Variants in ZNF208 observed in about 807,000 individuals in gnomAD.
ZNF208 encodes the protein zinc finger protein 208, also known as zinc finger protein 95.
A neutral mutation model predicts 12.1 loss-of-function variants in ZNF208; 10 were observed. The observed-to-expected ratio is 0.83, with a 90% CI of 0.51 to 1.40. ZNF208 has a LOEUF of 1.40. Ranked by LOEUF, ZNF208 falls within the 40% of genes most tolerant of loss-of-function variation. ZNF208 has a pLI of 0.00. For missense variants in ZNF208, 1,652 were observed against 1,485.0 expected (o/e 1.11, Z -1.85); for synonymous variants, 497 against 488.4 (o/e 1.02, Z -0.23).
rs186085304 is a variant in ZNF208 at position 21,972,112 on chromosome 19, T to C, written c.2922A>G (p.Lys974=). 3.7e-3 allele frequency: 5,972 copies of C among 1,613,330 alleles called. 15 individuals carry two copies. Among genetic ancestry groups the C allele is most frequent in the Non-Finnish European group, 4.5e-3 (5,319 of 1,179,760 alleles). ...KKIHTEEKPY[K]YEECGKGFST... ...TAAAGCCTTTGCCACATTCTTCATA[T>C]TTGTAAGGTTTCTCTTCAGTATGAA... The change falls in exon 4 of 4, where the codon AAA becomes AAG. Residue 974 remains lysine, a synonymous_variant. Transcript: ENST00000397126.
In ZNF208 at chr19:21,969,047, G is replaced by A. The variant is rs1393535026; in HGVS notation, c.*2144C>T. On this transcript the variant is annotated 3_prime_UTR_variant, in exon 4 of 4. Transcript: ENST00000397126. ...AAAATACAAAAAATTAGCTGGGAGT[G>A]GCGGCGGGCGCCTGTAGTCCCAGCT... is the stretch of plus-strand genomic sequence containing the variant. 6.6e-6 allele frequency among the ~76,000 whole-genome samples: 1 copy of A among 152,136 alleles called. No individual in the cohort carries two copies. Among genetic ancestry groups the A allele is most frequent in the Non-Finnish European group, 1.5e-5 (1 of 68,032 alleles).
At position 21,974,635 on chromosome 19, in the gene ZNF208, A is replaced by C; in HGVS notation, c.399T>G (p.Leu133=). 2 of 1,613,706 alleles carry C rather than the reference A, an allele frequency of 1.2e-6. No individual in the cohort carries two copies. Among genetic ancestry groups the C allele is most frequent in the South Asian group, 2.2e-5 (2 of 91,060 alleles). The change falls in exon 4 of 4, where the codon CTT becomes CTG. Residue 133 remains leucine, a synonymous_variant. Transcript: ENST00000397126. ...CKVHKEGYNK[L]NQSLTTTQSK... ...TCTGTGTAGTTGTCAAACTCTGGTT[A>C]AGTTTATTATAACCTTCTTTGTGCA...
chr19:21,964,215 A>C (rs1970124985), downstream of ZNF208, among the ~76,000 whole-genome samples: 1 of 151,874 alleles, frequency 6.6e-6, no homozygotes, highest in African/African-American at 2.4e-5. Context: ...GTTCATCTTA[A>C]AATTTTAGGA....
chr19:21,952,968 C>G (rs1398499822), intron 4 of ZNF208, among the ~76,000 whole-genome samples: 2 of 152,128 alleles, frequency 1.3e-5, no homozygotes, highest in Admixed American at 1.3e-4. Context: ...GAAGAGAAGA[C>G]CTTAAATGAC....
intron 4 of ZNF208, among the ~76,000 whole-genome samples, chr19:21,948,140 T>C (rs927959340): frequency 6.6e-6 from 1 of 152,160 alleles, no homozygotes; most frequent in Admixed American, 6.5e-5. Context: ...TTTTTCTAGA[T>C]AGGTAACAAA....
chr19:21,982,070 T>G (rs958810353), intron 3 of ZNF208, among the ~76,000 whole-genome samples: 57 of 151,916 alleles, frequency 3.8e-4, no homozygotes, highest in African/African-American at 1.4e-3. Context: ...TGGAAAAACT[T>G]TCCATGGCTG....
downstream of ZNF208, among the ~76,000 whole-genome samples, chr19:21,964,263 C>T (rs925876029): frequency 5.3e-5 from 8 of 151,860 alleles, no homozygotes; most frequent in East Asian, 1.4e-3. Flanking sequence ...AAATGGCTTG[C>T]TCATTTATAG....
chr19:21,994,429 T>G (rs1471427919), intron 1 of ZNF208, among the ~76,000 whole-genome samples: 1 of 152,090 alleles, frequency 6.6e-6, no homozygotes, highest in Non-Finnish European at 1.5e-5. Flanking sequence ...CAGGCAAGAC[T>G]CCAGGGTAGG....
chr19:21,962,348 T>A (rs2145529612), downstream of ZNF208, among the ~76,000 whole-genome samples: 1 of 152,270 alleles, frequency 6.6e-6, no homozygotes, highest in South Asian at 2.1e-4. Flanking sequence ...GAGAGGATAG[T>A]CAACTTATAT....
chr19:21,988,542 G>A (rs536278809), intron 2 of ZNF208, among the ~76,000 whole-genome samples: 1 of 152,238 alleles, frequency 6.6e-6, no homozygotes, highest in South Asian at 2.1e-4. Flanking sequence ...ATTAAGTCAA[G>A]CAGCTGACCA....
chr19:21,973,610 T>C lies in ZNF208; in HGVS notation c.1424A>G (p.His475Arg). ...FSILTKHKVIHNGEKPYKCEE... is the reference protein window; with the variant it reads ...FSILTKHKVIRNGEKPYKCEE... ...ACATTTGTAGGGTTTCTCTCCATTATGAATTACCTTATGTTTAGTAAGGAT... is the reference window on the plus strand; with the variant it reads ...ACATTTGTAGGGTTTCTCTCCATTACGAATTACCTTATGTTTAGTAAGGAT... Residue 475 changes from histidine (H) to arginine (R), a missense_variant, in exon 4 of 4, where the codon CAT becomes CGT. By Grantham distance (29) the His-to-Arg change is conservative. This residue lies in a region of ZNF208 where 1,239 missense variants were observed against 1,086.2 expected (regional missense o/e 1.14). Transcript: ENST00000397126. The C allele has an allele frequency of 2.5e-6, 4 of 1,613,450 alleles. No individual in the cohort carries two copies. The highest frequency in any genetic ancestry group is 3.4e-6 in the Non-Finnish European group (4 of 1,179,748).
Position 21,969,320 on chromosome 19 carries a change from A to G in ZNF208, c.*1871T>C, listed in dbSNP as rs1271023992. Among the ~76,000 whole-genome samples, 4 of 152,120 alleles carry G rather than the reference A, an allele frequency of 2.6e-5. No individual in the cohort carries two copies. The highest frequency in any genetic ancestry group is 1.9e-4 in the East Asian group (1 of 5,188). ...GTTTTGAAGAAAAAAGTATACTTTAAATTTAATTATAACTCTTCAAAGATC... is the reference window on the plus strand; with the variant it reads ...GTTTTGAAGAAAAAAGTATACTTTAGATTTAATTATAACTCTTCAAAGATC... On this transcript the variant is annotated 3_prime_UTR_variant, in exon 4 of 4. Transcript: ENST00000397126.
rs1181869709 is a variant in ZNF208, at chr19:21,968,659, G to A, written c.*2532C>T. 1 of 151,602 alleles carries A rather than the reference G, an allele frequency of 6.6e-6. No individual in the cohort carries two copies. Among genetic ancestry groups the A allele is most frequent in the Non-Finnish European group, 1.5e-5 (1 of 67,902 alleles). The allele number at this position is 151,602 out of a possible 1,614,324, so 9.4% of individuals were successfully genotyped here. ...TGACCTGTACTTTCCTTTTTTTGTGGTGCCTTCACTAGATTTTAGTTTCAT... is the reference window on the plus strand; with the variant it reads ...TGACCTGTACTTTCCTTTTTTTGTGATGCCTTCACTAGATTTTAGTTTCAT... On this transcript the variant is annotated 3_prime_UTR_variant, in exon 4 of 4. Transcript: ENST00000397126.
At chr19:21,985,452 C>G (rs1186748543) in intron 3 of ZNF208, among the ~76,000 whole-genome samples, 1 of 152,162 alleles carries the variant, frequency 6.6e-6, no homozygotes, top group East Asian at 1.9e-4. Flanking sequence ...TCCAGGGAGG[C>G]AATTGTGAAA....
rs1374817536 is a variant in ZNF208 at position 21,971,343 on chromosome 19, C to T, written c.3691G>A (p.Gly1231Ser). The T allele has an allele frequency of 1.9e-6, 3 of 1,611,068 alleles. No individual in the cohort carries two copies. Among genetic ancestry groups the T allele is most frequent in the Admixed American group, 1.7e-5 (1 of 59,844 alleles). ...GEKPYKCEEC[G>S]KAFSTFSILT... ...ATTGAGAACGTACTAAAGGCTTTGC[C>T]ACATTCTTCACATTTGTAGGGTTTC... Residue 1231 changes from glycine (G) to serine (S), a missense_variant, in exon 4 of 4, where the codon GGC becomes AGC. Gly to Ser is a moderately conservative substitution (Grantham distance 56). Transcript: ENST00000397126.
chr19:21,981,143 G>A (rs1439615467), intron 3 of ZNF208, among the ~76,000 whole-genome samples: 1 of 152,018 alleles, frequency 6.6e-6, no homozygotes, highest in Non-Finnish European at 1.5e-5. Flanking sequence ...AAGAAGAGCT[G>A]ATTCTATTAT....
In ZNF208 at chr19:21,972,287, G is replaced by A. The variant is rs1260603605; in HGVS notation, c.2747C>T (p.Pro916Leu). ...TTTGCCACATTCTTCACATTTGTAGGGTTTCTCTCCAGTATGAATTACCTC... is the reference window on the plus strand; with the variant it reads ...TTTGCCACATTCTTCACATTTGTAGAGTTTCTCTCCAGTATGAATTACCTC... ...KHEVIHTGEK[P>L]YKCEECGKAF... The change falls in exon 4 of 4, where the codon CCC (proline) becomes CTC (leucine). Residue 916 changes from proline to leucine, a missense_variant. By Grantham distance (98) the Pro-to-Leu change is moderately conservative (BLOSUM62 -3). Transcript: ENST00000397126. 2 of 1,613,542 alleles carry A rather than the reference G, an allele frequency of 1.2e-6. No individual in the cohort carries two copies. The highest frequency in any genetic ancestry group is 2.2e-5 in the South Asian group (2 of 91,002).
chr19:21,957,536 A>C (rs1277611718), intron 4 of ZNF208, among the ~76,000 whole-genome samples: 4 of 152,202 alleles, frequency 2.6e-5, no homozygotes, highest in East Asian at 1.9e-4. Context: ...GTGAGTAAAA[A>C]AATGTCACTT....
At chr19:21,950,795 C>T (rs1599602241) in intron 4 of ZNF208, among the ~76,000 whole-genome samples, 1 of 152,084 alleles carries the variant, frequency 6.6e-6, no homozygotes, top group East Asian at 1.9e-4. Flanking sequence ...ATGCCTGGCC[C>T]CTAGCCCTGT....
Sources: gnomAD v4.1 joint callset for allele counts (sites outside exome capture counted in the v4.1 genomes callset) on GRCh38, gnomAD v4.1.1 for gene constraint, gnomAD v4.1.1 regional missense constraint, MANE v1.5 for transcripts, NCBI Gene and HGNC (gene_info 2026-07-23, HGNC 2026-07-21) for gene names.